PKD1L3: variants seen among roughly 807,000 people sequenced by gnomAD.
PKD1L3 encodes the protein polycystin 1 like 3, transient receptor potential channel interacting, also known as polycystin-1-like protein 3.
In PKD1L3, 239 loss-of-function variants were observed where a neutral mutation model predicts 184.1. The ratio of observed to expected loss-of-function variants is 1.30; its 90% CI spans 1.17 to 1.45. PKD1L3 has a LOEUF of 1.45. Among genes scored for constraint, PKD1L3 ranks in the 40% most tolerant of loss-of-function variants. PKD1L3 has a pLI of 0.00. For missense variants in PKD1L3, 2,660 were observed against 2,067.2 expected, an observed-to-expected ratio of 1.29 and a Z score of -5.56; for synonymous variants, 996 against 778.8, an observed-to-expected ratio of 1.28 and a Z score of -4.64.
intron 24 of PKD1L3, 77 bp from the exon 25 acceptor site, chr16:71,937,496 A>C (rs1358771429): frequency 4.1e-6 from 6 of 1,460,916 alleles, no homozygotes; most frequent in Non-Finnish European, 5.5e-6. Flanking sequence ...GTCTTTGAAT[A>C]ACCCCAACTC....
intron 16 of PKD1L3, among the ~76,000 whole-genome samples, chr16:71,962,552 T>C (rs1310783576): frequency 6.6e-6 from 1 of 152,172 alleles, no homozygotes; most frequent in African/African-American, 2.4e-5. Context: ...GCAGTGGCAA[T>C]CTTGGCTCAC....
chr16:71,967,071 G>T, intron 15 of PKD1L3, 66 bp downstream of exon 15: 1 of 1,450,808 alleles, frequency 6.9e-7, no homozygotes, highest in East Asian at 2.5e-5. Flanking sequence ...TTATTGTGGT[G>T]ATCTTCTTTC....
At position 71,930,104 on chromosome 16, in the gene PKD1L3, A is replaced by G; in HGVS notation, c.5006T>C (p.Leu1669Pro). The change falls in exon 29 of 30, where the codon CTT (leucine) becomes CCT (proline). Residue 1669 changes from leucine (L) to proline (P), a missense_variant. Transcript: ENST00000620267. Reference protein sequence around the residue: ...VILMVLVVINLFVSAILMAFG... With the variant: ...VILMVLVVINPFVSAILMAFG... ...GGCCATGAGAATGGCCGAAACGAAA[A>G]GATTAATTACCACAAGTACCATCAA... is the stretch of plus-strand genomic sequence containing the variant. The G allele has an allele frequency of 6.4e-7, 1 of 1,551,622 alleles. No individual in the cohort carries two copies. The highest frequency in any genetic ancestry group is 8.7e-7 in the Non-Finnish European group (1 of 1,146,912).
intron 15 of PKD1L3, among the ~76,000 whole-genome samples, chr16:71,966,619 G>A (rs969228156): frequency 3.3e-5 from 5 of 151,822 alleles, no homozygotes; most frequent in African/African-American, 1.2e-4. Context: ...TTTTGTAGAG[G>A]TGGGGTCTTC....
Position 71,950,179 on chromosome 16 carries a change from G to C in PKD1L3, c.3322C>G (p.Leu1108Val). 6.4e-7 allele frequency: 1 copy of C among 1,552,294 alleles called. No homozygotes were observed. Among genetic ancestry groups the C allele is most frequent in the Non-Finnish European group, 8.7e-7 (1 of 1,147,106 alleles). Residue 1108 changes from leucine (L) to valine (V), a missense_variant, in exon 20 of 30, where the codon CTT becomes GTT. Transcript: ENST00000620267. ...TCCAAGAGTTCCTGGAGTTTTTGAA[G>C]TTGGCTGGCTGCATCTAGGAAGTCA... is the stretch of plus-strand genomic sequence containing the variant. ...SCDFLDAASQLQKLQELLETH... is the reference protein window; with the variant it reads ...SCDFLDAASQVQKLQELLETH...
Position 71,963,330 on chromosome 16 carries a change from G to C in PKD1L3, c.2487C>G (p.Val829=). The C allele has an allele frequency of 6.4e-7, 1 of 1,550,420 alleles. No individual in the cohort carries two copies. The highest frequency in any genetic ancestry group is 8.7e-7 in the Non-Finnish European group (1 of 1,146,426). ...ACTTCCTCTTAACTGCCATGTCACA[G>C]ACAATTACCTGGCTGACATACCTAT... The part of the protein sequence containing the change: ...SPSWYVSQVI[V]CDMAVKRKWH... Residue 829 remains valine (V), a synonymous_variant, in exon 16 of 30, where the codon GTC becomes GTG. Transcript: ENST00000620267.
intron 22 of PKD1L3, among the ~76,000 whole-genome samples, chr16:71,946,924 AAGGGAGAGAGAG>A (rs967522104): frequency 2.7e-5 from 1 of 37,038 alleles, no homozygotes; most frequent in Admixed American, 3.1e-4. Flanking sequence ...GAGAGAGAGA[AAGGGAGAGAGAG>A]AGGGAGAGAG....
chr16:71,975,264 C>T (rs944622730), intron 11 of PKD1L3, among the ~76,000 whole-genome samples: 5 of 150,940 alleles, frequency 3.3e-5, no homozygotes, highest in South Asian at 2.1e-4. Flanking sequence ...CGCTCTGTTG[C>T]CCAGGCTAGT....
intron 16 of PKD1L3, 117 bp from the exon 17 acceptor site, chr16:71,954,418 A>T (rs957394553): frequency 6.4e-6 from 4 of 628,836 alleles, no homozygotes; most frequent in African/African-American, 3.8e-5. Flanking sequence ...TCTATTCAAC[A>T]CCTCTGTGAA....
intron 25 of PKD1L3, among the ~76,000 whole-genome samples, chr16:71,936,203 TCTTTTC>T (rs1242016033): frequency 6.6e-6 from 1 of 151,550 alleles, no homozygotes; most frequent in African/African-American, 2.4e-5. Context: ...TATTTTTTTT[TCTTTTC>T]TTTTTTTTTT....
At chr16:71,981,919 G>T in intron 7 of PKD1L3, 140 bp downstream of exon 7, 1 of 920,112 alleles carries the variant, frequency 1.1e-6, no homozygotes, top group South Asian at 2.3e-5. Context: ...CTTGGAGAAG[G>T]CATGGCAGAG....
intron 16 of PKD1L3, among the ~76,000 whole-genome samples, chr16:71,955,681 T>C (rs1168924948): frequency 6.6e-6 from 1 of 151,948 alleles, no homozygotes; most frequent in Non-Finnish European, 1.5e-5. Flanking sequence ...TCATCTTGAA[T>C]TGTAGTTTCC....
rs1361878798 is a variant in PKD1L3 at position 71,933,405 on chromosome 16, A to G, written c.4926+15T>C. 9 of 1,519,050 alleles carry G rather than the reference A, an allele frequency of 5.9e-6. No individual in the cohort carries two copies. In the Admixed American group the frequency reaches 9.8e-5, roughly 17 times the overall value. 94.1% of individuals were successfully genotyped at this position (1,519,050 alleles called of 1,614,324 possible). Reference sequence around the variant, plus strand: ...ATATATTGAATTCTGTGAGGAAACAAATTATTATTTTTACCTCCTCTTGGT... The same window carrying G: ...ATATATTGAATTCTGTGAGGAAACAGATTATTATTTTTACCTCCTCTTGGT... On this transcript the variant is annotated intron_variant, in intron 28 of 29. Coordinates refer to ENST00000620267, the MANE Select transcript of PKD1L3 (RefSeq NM_181536.2).
At chr16:71,987,644 G>T (rs1474915043) in intron 4 of PKD1L3, among the ~76,000 whole-genome samples, 1 of 151,970 alleles carries the variant, frequency 6.6e-6, no homozygotes, top group African/African-American at 2.4e-5. Context: ...CAAAGTGCTG[G>T]GATTACAGGT....
At chr16:71,980,172 C>T in intron 7 of PKD1L3, 38 bp from the exon 8 acceptor site, 1 of 1,543,368 alleles carries the variant, frequency 6.5e-7, no homozygotes, top group South Asian at 1.2e-5. Context: ...CTTGTAAAAC[C>T]TCAGTGTCTT....
intron 22 of PKD1L3, among the ~76,000 whole-genome samples, chr16:71,945,305 TAC>T (rs377392088): frequency 0.058 from 3,418 of 58,832 alleles, 185 homozygotes; most frequent in African/African-American, 0.1. Context: ...TATATATATA[TAC>T]ACACACACAC....
intron 26 of PKD1L3, among the ~76,000 whole-genome samples, chr16:71,934,657 T>C (rs1447372337): frequency 6.6e-6 from 1 of 152,088 alleles, no homozygotes; most frequent in African/African-American, 2.4e-5. Flanking sequence ...AGAGAGACAT[T>C]CATAATTTTA....
Position 72,000,008 on chromosome 16 carries a change from G to A in PKD1L3, c.-30C>T. On this transcript the variant is annotated 5_prime_UTR_variant, in exon 1 of 30. Coordinates refer to ENST00000620267, the MANE Select transcript of PKD1L3 (RefSeq NM_181536.2). ...TCTGAATTGTAGCAAGAAAAAGTGTGGGGGTTTAGCAGCTGCCTGGTCCTT... is the reference window on the plus strand; with the variant it reads ...TCTGAATTGTAGCAAGAAAAAGTGTAGGGGTTTAGCAGCTGCCTGGTCCTT... 1 of 1,477,368 alleles carries A rather than the reference G, an allele frequency of 6.8e-7. No homozygotes were observed. Among genetic ancestry groups the A allele is most frequent in the South Asian group, 1.4e-5 (1 of 71,540 alleles). 91.5% of individuals were successfully genotyped at this position (1,477,368 alleles called of 1,614,324 possible). A position where few individuals can be genotyped will look rare whatever the true frequency, so the allele number is the denominator to read the frequency against.
At chr16:71,990,903 C>G (rs2040565165) in intron 3 of PKD1L3, among the ~76,000 whole-genome samples, 2 of 152,100 alleles carry the variant, frequency 1.3e-5, no homozygotes, top group Non-Finnish European at 2.9e-5. Context: ...GTTAATACAT[C>G]CTTAATAAGA....
Sources: allele counts gnomAD v4.1 joint callset (sites outside exome capture counted in the v4.1 genomes callset), GRCh38; gene constraint gnomAD v4.1.1; transcripts MANE v1.5; gene names NCBI Gene and HGNC (gene_info 2026-07-23, HGNC 2026-07-21).